Variants in ATP8B4 observed in about 807,000 individuals in gnomAD.
ATP8B4 encodes ATPase phospholipid transporting 8B4 (putative), also known as probable phospholipid-transporting ATPase IM.
ATP8B4 carries 133 observed loss-of-function variants against 145.6 expected under a neutral mutation model. That is an observed-to-expected ratio of 0.91 (90% CI 0.79 to 1.05). ATP8B4 has a LOEUF of 1.05. Among genes scored for constraint, ATP8B4 ranks in the 50% least tolerant of loss-of-function variants. The pLI is 0.00. For synonymous variants in ATP8B4, 507 were observed against 492.9 expected (o/e 1.03, Z -0.38); for missense variants, 1,458 against 1,425.2 (o/e 1.02, Z -0.37).
At chr15:49,925,738 G>T (rs2040655263) in intron 16 of ATP8B4, among the ~76,000 whole-genome samples, 1 of 151,984 alleles carries the variant, frequency 6.6e-6, no homozygotes, top group Non-Finnish European at 1.5e-5. Context: ...CTTTAAATTT[G>T]ATTTTGTGGA....
At chr15:50,156,996 T>C (rs1014249579) in intron 1 of ATP8B4, among the ~76,000 whole-genome samples, 2 of 152,126 alleles carry the variant, frequency 1.3e-5, no homozygotes, top group Admixed American at 1.3e-4. Context: ...GCCAAATCAC[T>C]TAAATATCCA....
chr15:50,085,966 T>C (rs994402008), intron 2 of ATP8B4, among the ~76,000 whole-genome samples: 1 of 87,392 alleles, frequency 1.1e-5, no homozygotes, highest in Non-Finnish European at 1.9e-5. Flanking sequence ...TATATATTTA[T>C]ATATGATATA....
At chr15:49,871,593 AAGAC>A (rs1398736421) in intron 25 of ATP8B4, among the ~76,000 whole-genome samples, 1 of 152,236 alleles carries the variant, frequency 6.6e-6, no homozygotes, top group Admixed American at 6.5e-5. Flanking sequence ...CATCTAGGTT[AAGAC>A]AGACAGAGTT....
chr15:49,956,130 TA>T (rs897708954), intron 14 of ATP8B4, among the ~76,000 whole-genome samples: 4 of 152,224 alleles, frequency 2.6e-5, no homozygotes, highest in Non-Finnish European at 5.9e-5. Context: ...TATATACTTT[TA>T]AAAGTTTATG....
intron 1 of ATP8B4, among the ~76,000 whole-genome samples, chr15:50,169,311 T>C (rs2031508600): frequency 6.6e-6 from 1 of 152,204 alleles, no homozygotes; most frequent in Non-Finnish European, 1.5e-5. Flanking sequence ...GAACAGGTGC[T>C]GGTATTCACG....
At chr15:50,142,017 T>A (rs2044219812) in intron 1 of ATP8B4, among the ~76,000 whole-genome samples, 1 of 152,148 alleles carries the variant, frequency 6.6e-6, no homozygotes, top group Non-Finnish European at 1.5e-5. Flanking sequence ...TACGAGTTTT[T>A]CCTAAAATGT....
chr15:50,119,352 T>C (rs1276207162), upstream of ATP8B4: 1 of 152,188 alleles, frequency 6.6e-6, no homozygotes, highest in East Asian at 1.9e-4. Flanking sequence ...AGCTGCTAGA[T>C]GGCAATCAGA....
chr15:50,179,027 CA>C (rs1200769378), intron 1 of ATP8B4, among the ~76,000 whole-genome samples: 1 of 152,024 alleles, frequency 6.6e-6, no homozygotes, highest in African/African-American at 2.4e-5. Flanking sequence ...TTAGGATGGT[CA>C]GGGGTGGAAA....
chr15:50,025,020 G>T (rs1051127796), intron 6 of ATP8B4, among the ~76,000 whole-genome samples: 1 of 152,156 alleles, frequency 6.6e-6, no homozygotes, highest in Non-Finnish European at 1.5e-5. Flanking sequence ...GAAGAAAAGA[G>T]GAGTCTAAAA....
At chr15:50,041,857 T>C (rs2051310819) in intron 5 of ATP8B4, among the ~76,000 whole-genome samples, 1 of 152,186 alleles carries the variant, frequency 6.6e-6, no homozygotes, top group African/African-American at 2.4e-5. Flanking sequence ...GGAGAATTTC[T>C]TGAACCCGGG....
rs915478223 is a variant in ATP8B4 at position 50,024,577 on chromosome 15, T to C, written c.363-13660A>G. Reference sequence around the variant, plus strand: ...GATGAGGACAGCTGGGTGAATACTCTTCGTCGTCCAGGCAATTCAGAAAGT... The same window carrying C: ...GATGAGGACAGCTGGGTGAATACTCCTCGTCGTCCAGGCAATTCAGAAAGT... On this transcript the variant is annotated intron_variant, in intron 6 of 27. Transcript: ENST00000284509. 2.6e-5 allele frequency among the ~76,000 whole-genome samples: 4 copies of C among 152,316 alleles called. No individual in the cohort carries two copies. The East Asian group carries it at 5.8e-4, about 22-fold the overall frequency.
chr15:49,896,699 C>A (rs1352762688), intron 23 of ATP8B4: 1 of 152,152 alleles, frequency 6.6e-6, no homozygotes, highest in Non-Finnish European at 1.5e-5. Context: ...TGGGTCAAAA[C>A]TTTTCTGATA....
chr15:50,116,083 A>T (rs2057152722), intron 1 of ATP8B4, among the ~76,000 whole-genome samples: 1 of 152,162 alleles, frequency 6.6e-6, no homozygotes, highest in Admixed American at 6.5e-5. Context: ...AATGGGGCTG[A>T]ATTCTAGAAA....
intron 10 of ATP8B4, among the ~76,000 whole-genome samples, chr15:49,986,467 A>G (rs759176679): frequency 2.0e-5 from 3 of 152,252 alleles, no homozygotes; most frequent in African/African-American, 7.2e-5. Flanking sequence ...GGATTTCCCA[A>G]GTCTTTACAA....
At chr15:50,047,860 A>G (rs2051843085) in intron 3 of ATP8B4, among the ~76,000 whole-genome samples, 1 of 152,120 alleles carries the variant, frequency 6.6e-6, no homozygotes, top group Non-Finnish European at 1.5e-5. Context: ...ACCCTTTTAG[A>G]TACCTCCGAC....
intron 6 of ATP8B4, among the ~76,000 whole-genome samples, chr15:50,034,503 A>G (rs2050690705): frequency 6.6e-6 from 1 of 152,136 alleles, no homozygotes; most frequent in Non-Finnish European, 1.5e-5. Context: ...TGCTGGGTTT[A>G]TGGGCATGAG....
At chr15:49,952,213 G>C (rs2043167455) in intron 14 of ATP8B4, among the ~76,000 whole-genome samples, 1 of 152,108 alleles carries the variant, frequency 6.6e-6, no homozygotes, top group South Asian at 2.1e-4. Context: ...GACGTTCTCT[G>C]TATTTCTTGA....
chr15:49,933,661 T>G (rs1035858138), intron 15 of ATP8B4, among the ~76,000 whole-genome samples: 1 of 152,070 alleles, frequency 6.6e-6, no homozygotes, highest in Non-Finnish European at 1.5e-5. Flanking sequence ...TCAACTGTAT[T>G]TCAGTATTTG....
At chr15:49,976,621 G>T (rs2045689959) in intron 12 of ATP8B4, among the ~76,000 whole-genome samples, 1 of 152,108 alleles carries the variant, frequency 6.6e-6, no homozygotes, top group African/African-American at 2.4e-5. Context: ...GTAGCTCCCT[G>T]TAATCTTAAA....
Sources: allele counts gnomAD v4.1 joint callset (sites outside exome capture counted in the v4.1 genomes callset), GRCh38; gene constraint gnomAD v4.1.1; transcripts MANE v1.5; gene names NCBI Gene and HGNC (gene_info 2026-07-23, HGNC 2026-07-21).